NPAS3: variants seen among roughly 807,000 people sequenced by gnomAD.
NPAS3 encodes the protein neuronal PAS domain-containing protein 3.
NPAS3 carries 14 observed loss-of-function variants against 73.1 expected under a neutral mutation model. That is an observed-to-expected ratio of 0.19 (90% confidence interval 0.13 to 0.30). The LOEUF (loss-of-function observed/expected upper bound fraction) is 0.30. Ranked by LOEUF, NPAS3 falls within the 10% of genes least tolerant of loss-of-function variation. The probability of loss-of-function intolerance (pLI) is 1.00; values close to 1 mark genes in which losing one functional copy is unlikely to be tolerated. For synonymous variants in NPAS3, 620 were observed against 541.5 expected, an observed-to-expected ratio of 1.14 and a Z score of -2.01; for missense variants, 1,096 against 1,250.0, an observed-to-expected ratio of 0.88 and a Z score of 1.86.
At chr14:33,426,502 A>C (rs1252915255) in intron 4 of NPAS3, among the ~76,000 whole-genome samples, 1 of 152,086 alleles carries the variant, frequency 6.6e-6, no homozygotes, top group Non-Finnish European at 1.5e-5. Context: ...CACATGCAAC[A>C]GAGGACACAG....
chr14:33,016,627 A>C (rs1019090168), intron 1 of NPAS3, among the ~76,000 whole-genome samples: 14 of 151,758 alleles, frequency 9.2e-5, no homozygotes, highest in African/African-American at 1.9e-4. Context: ...AAAAAAAAAA[A>C]AAAAACGACC....
At chr14:33,022,914 A>C (rs1317816251) in intron 1 of NPAS3, among the ~76,000 whole-genome samples, 3 of 152,074 alleles carry the variant, frequency 2.0e-5, no homozygotes, top group South Asian at 4.1e-4. Flanking sequence ...TGCTTTAGTC[A>C]AAAGTTGAGG....
intron 2 of NPAS3, among the ~76,000 whole-genome samples, chr14:33,075,678 A>G (rs919880852): frequency 6.6e-6 from 1 of 152,240 alleles, no homozygotes; most frequent in African/African-American, 2.4e-5. Flanking sequence ...TTGAGCTGGC[A>G]AAAGAGGGAG....
In NPAS3 at chr14:33,409,880, A is replaced by G. The variant is rs75819298; in HGVS notation, c.468+42612A>G. 9.9e-3 allele frequency among the ~76,000 whole-genome samples: 1,508 copies of G among 152,316 alleles called. 15 individuals carry two copies. Among genetic ancestry groups the G allele is most frequent in the South Asian group, 0.017 (82 of 4,826 alleles). ...TAGCAGAAAATGACAGGAGACATCTAAAATAATCTGGTTGGAGACATTGCT... is the reference window on the plus strand; with the variant it reads ...TAGCAGAAAATGACAGGAGACATCTGAAATAATCTGGTTGGAGACATTGCT... On this transcript the variant is annotated intron_variant, in intron 4 of 11. Coordinates refer to ENST00000356141, the Ensembl canonical transcript of NPAS3.
intron 1 of NPAS3, among the ~76,000 whole-genome samples, chr14:33,005,988 G>T (rs180944232): frequency 2.0e-5 from 3 of 152,218 alleles, no homozygotes; most frequent in East Asian, 3.9e-4. Flanking sequence ...CTCCCCATGA[G>T]CCAGCTGGCT....
At chr14:33,379,977 C>CGTGTGTGTGTGTGTGTGTGTGT (rs34208750) in intron 4 of NPAS3, among the ~76,000 whole-genome samples, 27 of 144,338 alleles carry the variant, frequency 1.9e-4, no homozygotes, top group Admixed American at 2.8e-4. Context: ...AGTTATCCCT[C>CGTGTGTGTGTGTGTGTGTGTGT]GTGTGTGTGT....
rs141209777 is a variant in NPAS3, at chr14:33,522,186, T to C, written c.469-37935T>C. Among the ~76,000 whole-genome samples the C allele has an allele frequency of 2.0e-4, 30 of 152,308 alleles. No homozygotes were observed. The East Asian group carries it at 5.4e-3, about 27-fold the overall frequency. ...TCCATAAACGTATAGGCAGACAAAA[T>C]TGTTTAGAGGACAGTTTCTTCAGAA... is the stretch of plus-strand genomic sequence containing the variant. On this transcript the variant is annotated intron_variant, in intron 4 of 11. Transcript: ENST00000356141.
chr14:33,570,553 G>A (rs140983971), intron 5 of NPAS3, among the ~76,000 whole-genome samples: 3 of 152,126 alleles, frequency 2.0e-5, no homozygotes, highest in African/African-American at 7.2e-5. Context: ...TAAAGTTGAC[G>A]TTGCCGGGTT....
intron 5 of NPAS3, among the ~76,000 whole-genome samples, chr14:33,643,935 A>C (rs1316720272): frequency 1.3e-5 from 2 of 151,992 alleles, no homozygotes; most frequent in African/African-American, 4.8e-5. Context: ...TCTCTTGTAT[A>C]TGATTGGTTC....
At chr14:33,104,893 C>T (rs1186958895) in intron 2 of NPAS3, among the ~76,000 whole-genome samples, 1 of 152,248 alleles carries the variant, frequency 6.6e-6, no homozygotes, top group East Asian at 1.9e-4. Context: ...GCTTTCCAGA[C>T]ATAGTTCAGT....
At chr14:32,977,380 A>ACACACACACACACACACC (rs1347224452) in intron 1 of NPAS3, among the ~76,000 whole-genome samples, 11 of 150,928 alleles carry the variant, frequency 7.3e-5, no homozygotes, top group Admixed American at 3.3e-4. Flanking sequence ...ACACACACAC[A>ACACACACACACACACACC]CCCCTAATCT....
At chr14:33,514,018 C>T (rs939419482) in intron 4 of NPAS3, among the ~76,000 whole-genome samples, 44 of 151,994 alleles carry the variant, frequency 2.9e-4, no homozygotes, top group Middle Eastern at 3.4e-3. Context: ...TCATATCCAC[C>T]GGGGGCCAGT....
chr14:33,265,438 A>G (rs966002488), intron 3 of NPAS3, among the ~76,000 whole-genome samples: 1 of 152,150 alleles, frequency 6.6e-6, no homozygotes, highest in African/African-American at 2.4e-5. Flanking sequence ...CACAATCTCT[A>G]TTATATGCTA....
intron 5 of NPAS3, among the ~76,000 whole-genome samples, chr14:33,599,279 A>G (rs1246535770): frequency 6.6e-6 from 1 of 152,220 alleles, no homozygotes; most frequent in East Asian, 1.9e-4. Context: ...ATAATCAGAC[A>G]AGAAGAACAG....
At chr14:33,694,947 T>A (rs1455899526) in intron 6 of NPAS3, among the ~76,000 whole-genome samples, 1 of 152,208 alleles carries the variant, frequency 6.6e-6, no homozygotes, top group Non-Finnish European at 1.5e-5. Context: ...ATGTATATGA[T>A]GCCCTTGATA....
chr14:33,445,645 C>T (rs1042248189), intron 4 of NPAS3, among the ~76,000 whole-genome samples: 1 of 152,238 alleles, frequency 6.6e-6, no homozygotes, highest in African/African-American at 2.4e-5. Context: ...TCCCCAAGGC[C>T]TTCAGTTTCA....
intron 6 of NPAS3, among the ~76,000 whole-genome samples, chr14:33,690,653 C>A (rs1275948891): frequency 6.6e-6 from 1 of 151,892 alleles, no homozygotes; most frequent in African/African-American, 2.4e-5. Context: ...GAGGCAGAAA[C>A]CCTAGTTTCT....
chr14:33,016,179 T>G (rs2139676958), intron 1 of NPAS3, among the ~76,000 whole-genome samples: 1 of 152,206 alleles, frequency 6.6e-6, no homozygotes, highest in Non-Finnish European at 1.5e-5. Flanking sequence ...AAGGGAGAAT[T>G]TGTTGGTCAA....
intron 5 of NPAS3, among the ~76,000 whole-genome samples, chr14:33,566,675 G>A (rs1219072868): frequency 6.6e-6 from 1 of 152,124 alleles, no homozygotes; most frequent in Non-Finnish European, 1.5e-5. Context: ...TCGCCACCTT[G>A]AGCAGAGTGG....
Sources: allele counts gnomAD v4.1 joint callset (sites outside exome capture counted in the v4.1 genomes callset), GRCh38; gene constraint gnomAD v4.1.1; transcripts MANE v1.5; gene names NCBI Gene and HGNC (gene_info 2026-07-23, HGNC 2026-07-21).